Variants in TBC1D22A observed in about 807,000 individuals in gnomAD.
TBC1D22A encodes TBC1 domain family member 22A, also known as putative GTPase activator.
In TBC1D22A, 38 loss-of-function variants were observed where a neutral mutation model predicts 60.2. That is an observed-to-expected ratio of 0.63 (90% CI 0.49 to 0.83). The LOEUF (loss-of-function observed/expected upper bound fraction) is 0.83, where lower values mean the gene tolerates loss of function less well. Among genes scored for constraint, TBC1D22A ranks in the 40% least tolerant of loss-of-function variants. The probability of loss-of-function intolerance (pLI) is 0.00; values close to 1 mark genes in which losing one functional copy is unlikely to be tolerated. For synonymous variants in TBC1D22A, 302 were observed against 281.7 expected (o/e 1.07, Z -0.72); for missense variants, 628 against 701.0 (o/e 0.90, Z 1.18).
chr22:46,840,855 T>C (rs887907978), intron 4 of TBC1D22A, among the ~76,000 whole-genome samples: 1 of 151,588 alleles, frequency 6.6e-6, no homozygotes, highest in African/African-American at 2.4e-5. Flanking sequence ...GTATGGAGGG[T>C]CCTCAAAAAA....
intron 5 of TBC1D22A, among the ~76,000 whole-genome samples, chr22:46,886,124 C>T (rs2068102023): frequency 6.6e-6 from 1 of 152,126 alleles, no homozygotes; most frequent in African/African-American, 2.4e-5. Flanking sequence ...TGGTCTCAAT[C>T]TCCTGACCTC....
intron 11 of TBC1D22A, among the ~76,000 whole-genome samples, chr22:47,047,619 C>T (rs1431761209): frequency 6.6e-6 from 1 of 152,218 alleles, no homozygotes. Context: ...GCCTACTGCC[C>T]CAGGTTGGCC....
chr22:46,978,024 A>T (rs1442309254), intron 9 of TBC1D22A, among the ~76,000 whole-genome samples: 1 of 152,250 alleles, frequency 6.6e-6, no homozygotes, highest in African/African-American at 2.4e-5. Context: ...CTTAACAGCA[A>T]AGAGAGGTCC....
At chr22:47,105,917 A>G (rs529075751) in intron 11 of TBC1D22A, among the ~76,000 whole-genome samples, 76 of 152,372 alleles carry the variant, frequency 5.0e-4, no homozygotes, top group African/African-American at 1.8e-3. Context: ...GAGATTTTAG[A>G]ATTATCTGCG....
intron 11 of TBC1D22A, among the ~76,000 whole-genome samples, chr22:47,052,284 C>A (rs975191177): frequency 3.3e-5 from 5 of 152,208 alleles, no homozygotes; most frequent in Non-Finnish European, 5.9e-5. Context: ...CGGGCCAGCG[C>A]CCTCCTGATG....
intron 8 of TBC1D22A, among the ~76,000 whole-genome samples, chr22:46,947,980 A>C (rs1409669436): frequency 6.6e-6 from 1 of 152,204 alleles, no homozygotes; most frequent in Non-Finnish European, 1.5e-5. Context: ...CTCGCCTTTT[A>C]ATGCCAGCTG....
intron 3 of TBC1D22A, among the ~76,000 whole-genome samples, chr22:46,796,434 G>A (rs751670507): frequency 1.3e-5 from 2 of 152,174 alleles, no homozygotes; most frequent in Non-Finnish European, 2.9e-5. Context: ...ATGTCGGCCC[G>A]TCAGCTGCAG....
intron 8 of TBC1D22A, among the ~76,000 whole-genome samples, chr22:46,973,640 A>G (rs941953537): frequency 2.6e-5 from 4 of 152,280 alleles, no homozygotes; most frequent in Non-Finnish European, 5.9e-5. Flanking sequence ...CAGTTTTGTA[A>G]GGATCTAAAA....
intron 12 of TBC1D22A, among the ~76,000 whole-genome samples, chr22:47,119,066 T>C (rs1219082084): frequency 6.6e-6 from 1 of 152,102 alleles, no homozygotes; most frequent in African/African-American, 2.4e-5. Flanking sequence ...GGAGAATCGT[T>C]TGAACCAGGG....
chr22:47,151,153 C>A (rs1233486040), intron 12 of TBC1D22A, among the ~76,000 whole-genome samples: 3 of 152,176 alleles, frequency 2.0e-5, no homozygotes, highest in Non-Finnish European at 4.4e-5. Flanking sequence ...CGTGCAGATT[C>A]CTGCGAGCCT....
intron 11 of TBC1D22A, among the ~76,000 whole-genome samples, chr22:47,045,702 A>G (rs1324458262): frequency 6.6e-6 from 1 of 152,164 alleles, no homozygotes; most frequent in Non-Finnish European, 1.5e-5. Context: ...TAGGCCTTGA[A>G]CCAGAACAGT....
At chr22:46,997,217 G>A (rs1019469758) in intron 9 of TBC1D22A, among the ~76,000 whole-genome samples, 6 of 152,228 alleles carry the variant, frequency 3.9e-5, no homozygotes, top group African/African-American at 1.2e-4. Context: ...TGTCAGCACC[G>A]GGCACCTTTG....
chr22:46,793,802 G>T lies in TBC1D22A; in HGVS notation c.421G>T (p.Val141Leu). 6.3e-7 allele frequency: 1 copy of T among 1,596,256 alleles called. No homozygotes were observed. The highest frequency in any genetic ancestry group is 8.5e-7 in the Non-Finnish European group (1 of 1,172,024). Reference sequence around the variant, plus strand: ...ACCCCCCAGCGGCGACCTCCGGCTGGTGAAGTCGGTCAGTGAGAGCCACAC... The same window carrying T: ...ACCCCCCAGCGGCGACCTCCGGCTGTTGAAGTCGGTCAGTGAGAGCCACAC... ...PSPPSGDLRL[V>L]KSVSESHTSC... Residue 141 changes from valine (V) to leucine (L), a missense_variant, in exon 3 of 13, where the codon GTG (valine) becomes TTG (leucine). By Grantham distance (32) the Val-to-Leu change is conservative (BLOSUM62 1). Coordinates refer to ENST00000337137, the MANE Select transcript of TBC1D22A (RefSeq NM_014346.5).
At chr22:46,897,192 A>G (rs1288137565) in intron 7 of TBC1D22A, among the ~76,000 whole-genome samples, 1 of 152,176 alleles carries the variant, frequency 6.6e-6, no homozygotes, top group Non-Finnish European at 1.5e-5. Flanking sequence ...ACATTTATTG[A>G]AAATGAAAGC....
At chr22:47,007,335 A>C (rs140396758) in intron 10 of TBC1D22A, among the ~76,000 whole-genome samples, 1 of 152,348 alleles carries the variant, frequency 6.6e-6, no homozygotes, top group East Asian at 1.9e-4. Flanking sequence ...CGTCTCCAGC[A>C]GGGTGGCCTG....
intron 10 of TBC1D22A, among the ~76,000 whole-genome samples, chr22:47,031,770 C>G (rs2062482032): frequency 6.6e-6 from 1 of 152,106 alleles, no homozygotes; most frequent in Admixed American, 6.5e-5. Context: ...GAGGTGTGTG[C>G]CCCCCTTCAG....
intron 1 of TBC1D22A, chr22:46,768,248 G>C (rs940279804): frequency 2.6e-5 from 4 of 152,382 alleles, no homozygotes; most frequent in African/African-American, 4.8e-5. Context: ...ACTTTGGGAG[G>C]CTGAGGTGGG....
intron 11 of TBC1D22A, among the ~76,000 whole-genome samples, chr22:47,081,825 T>C (rs1041739184): frequency 2.0e-5 from 3 of 151,860 alleles, no homozygotes; most frequent in African/African-American, 7.3e-5. Flanking sequence ...TGGTGAGATA[T>C]ACCATGTTTT....
Position 47,009,817 on chromosome 22 carries a change from T to C in TBC1D22A, c.1201+12108T>C, listed in dbSNP as rs2061704864. On this transcript the variant is annotated intron_variant, in intron 10 of 12. Coordinates refer to ENST00000337137, the MANE Select transcript of TBC1D22A (RefSeq NM_014346.5). The surrounding 1 kb of genome is among the most constrained non-coding windows in gnomAD (Gnocchi z 5.8). ...GTTGGAAGTTTAGTCTGAAGGCCTC[T>C]GCTTCTCCCACGTTGGACCTTGTTG... Among the ~76,000 whole-genome samples the C allele has an allele frequency of 6.6e-6, 1 of 152,248 alleles. No individual in the cohort carries two copies.
Sources: allele counts gnomAD v4.1 joint callset (sites outside exome capture counted in the v4.1 genomes callset), GRCh38; gene constraint gnomAD v4.1.1; non-coding constraint Gnocchi (gnomAD v3.1); transcripts MANE v1.5; gene names NCBI Gene and HGNC (gene_info 2026-07-23, HGNC 2026-07-21).